The following NEDD4L variants were observed in gnomAD, a reference collection of about 807,000 sequenced individuals.
The protein encoded by NEDD4L is NEDD4 like E3 ubiquitin protein ligase.
A neutral mutation model predicts 148.9 loss-of-function variants in NEDD4L; 54 were observed. The ratio of observed to expected loss-of-function variants is 0.36; its 90% CI spans 0.29 to 0.45. The LOEUF (loss-of-function observed/expected upper bound fraction) is 0.45, where lower values mean the gene tolerates loss of function less well. Among genes scored for constraint, NEDD4L ranks in the 20% least tolerant of loss-of-function variants. The probability of loss-of-function intolerance (pLI) is 1.00; values close to 1 mark genes in which losing one functional copy is unlikely to be tolerated. For missense variants in NEDD4L, 856 were observed against 1,233.8 expected, an observed-to-expected ratio of 0.69 and a Z score of 4.59; for synonymous variants, 433 against 440.7, an observed-to-expected ratio of 0.98 and a Z score of 0.22.
intron 5 of NEDD4L, among the ~76,000 whole-genome samples, chr18:58,261,453 A>G (rs181182920): frequency 1.7e-3 from 259 of 152,260 alleles, no homozygotes; most frequent in Non-Finnish European, 3.1e-3. Flanking sequence ...AATGAGGGAG[A>G]TATTTGGGAA....
intron 6 of NEDD4L, 109 bp downstream of exon 6, chr18:58,316,141 G>GA: frequency 1.1e-6 from 1 of 885,298 alleles, no homozygotes; most frequent in Non-Finnish European, 1.8e-6. Context: ...GAAGAAGGCT[G>GA]AAATGAAGCA....
Position 58,373,257 on chromosome 18 carries a change from A to G in NEDD4L, c.2340A>G (p.Glu780=). The part of the protein sequence containing the change: ...ELDLMFCIDE[E]NFGQTYQVDL... ...ACCTCATGTTCTGCATAGACGAAGA[A>G]AACTTTGGACAGGTACATGTGGGTA... is the stretch of plus-strand genomic sequence containing the variant. Residue 780 remains glutamate (E), a synonymous_variant, in exon 24 of 31, where the codon GAA becomes GAG. Transcript: ENST00000400345. 6.3e-7 allele frequency: 1 copy of G among 1,575,542 alleles called. No homozygotes were observed. Among genetic ancestry groups the G allele is most frequent in the Non-Finnish European group, 8.6e-7 (1 of 1,156,754 alleles).
chr18:58,371,062 A>G (rs1440630763), intron 23 of NEDD4L, among the ~76,000 whole-genome samples: 1 of 151,626 alleles, frequency 6.6e-6, no homozygotes, highest in Non-Finnish European at 1.5e-5. Context: ...TTATTTTTTG[A>G]GATGATGTCT....
At chr18:58,385,620 G>A (rs1335377553) in intron 26 of NEDD4L, 34 bp downstream of exon 26, 3 of 1,574,764 alleles carry the variant, frequency 1.9e-6, no homozygotes, top group East Asian at 2.2e-5. Context: ...TCTGCCATGT[G>A]CCTCTGGTCC....
chr18:58,335,585 G>A (rs746695370), intron 13 of NEDD4L, 48 bp downstream of exon 13: 2 of 1,434,806 alleles, frequency 1.4e-6, no homozygotes, highest in East Asian at 4.5e-5. Context: ...CCGTGAGGCA[G>A]TTTTAATATT....
At chr18:58,276,509 C>T (rs1340676846) in intron 5 of NEDD4L, among the ~76,000 whole-genome samples, 1 of 151,908 alleles carries the variant, frequency 6.6e-6, no homozygotes, top group Non-Finnish European at 1.5e-5. Context: ...GTGCCCAGCC[C>T]TAGTGTTCAT....
intron 1 of NEDD4L, among the ~76,000 whole-genome samples, chr18:58,119,884 T>A (rs1033654695): frequency 6.6e-6 from 1 of 152,166 alleles, no homozygotes; most frequent in Non-Finnish European, 1.5e-5. Context: ...CCCGGGTGGT[T>A]CTCATAGCAG....
intron 24 of NEDD4L, among the ~76,000 whole-genome samples, chr18:58,374,073 A>G (rs1255399553): frequency 6.6e-6 from 1 of 152,188 alleles, no homozygotes; most frequent in African/African-American, 2.4e-5. Flanking sequence ...TAGACCATAG[A>G]ACTCATTGTA....
chr18:58,182,700 T>TCAAA (rs777801108), intron 2 of NEDD4L, among the ~76,000 whole-genome samples: 1 of 152,060 alleles, frequency 6.6e-6, no homozygotes, highest in Non-Finnish European at 1.5e-5. Context: ...CAGAGTGGTC[T>TCAAA]CAAACTCCTG....
chr18:58,375,363 T>C (rs2047429795), intron 24 of NEDD4L, among the ~76,000 whole-genome samples: 1 of 152,164 alleles, frequency 6.6e-6, no homozygotes, highest in Non-Finnish European at 1.5e-5. Context: ...CCCGCCTAGC[T>C]GTGAGCCCCT....
In NEDD4L at chr18:58,391,578, T is replaced by C; in HGVS notation, c.2825+19T>C. ...ACACATGGTGAGTGACAAAAACACA[T>C]GCATGTCAATGCAATATCTGAACTG... On this transcript the variant is annotated intron_variant, in intron 30 of 30. Transcript: ENST00000400345. 1.3e-6 allele frequency: 2 copies of C among 1,523,730 alleles called. No individual in the cohort carries two copies. Among genetic ancestry groups the C allele is most frequent in the Non-Finnish European group, 8.9e-7 (1 of 1,118,726 alleles). 94.4% of individuals were successfully genotyped at this position (1,523,730 alleles called of 1,614,324 possible).
intron 2 of NEDD4L, among the ~76,000 whole-genome samples, chr18:58,185,612 G>A (rs1269140875): frequency 6.6e-6 from 1 of 152,180 alleles, no homozygotes; most frequent in East Asian, 1.9e-4. Flanking sequence ...TGTGGCTCAC[G>A]CCTGTAATCC....
chr18:58,220,801 A>G (rs1027281807), intron 2 of NEDD4L, among the ~76,000 whole-genome samples: 3 of 152,154 alleles, frequency 2.0e-5, no homozygotes, highest in African/African-American at 4.8e-5. Flanking sequence ...CATAGTGCCC[A>G]TCGCAGGCAG....
At chr18:58,305,632 G>C (rs1052893121) in intron 5 of NEDD4L, among the ~76,000 whole-genome samples, 1 of 152,190 alleles carries the variant, frequency 6.6e-6, no homozygotes, top group African/African-American at 2.4e-5. Flanking sequence ...CTGCCTAAAC[G>C]AGCACCTGCT....
chr18:58,196,689 A>G (rs1025032626), intron 2 of NEDD4L, among the ~76,000 whole-genome samples: 1 of 120,748 alleles, frequency 8.3e-6, no homozygotes, highest in East Asian at 2.4e-4. Context: ...TTGGGGCTCT[A>G]CTTTTCTGTT....
chr18:58,337,227 G>C (rs987752440), intron 13 of NEDD4L, among the ~76,000 whole-genome samples: 3 of 152,134 alleles, frequency 2.0e-5, no homozygotes, highest in Non-Finnish European at 4.4e-5. Flanking sequence ...CTTTCCACAG[G>C]CTTGGCAATA....
intron 2 of NEDD4L, among the ~76,000 whole-genome samples, chr18:58,235,776 C>T (rs1369895874): frequency 6.6e-6 from 1 of 152,034 alleles, no homozygotes; most frequent in Non-Finnish European, 1.5e-5. Context: ...ATCTGTGTCT[C>T]TGTGGGTGTT....
chr18:58,071,741 G>A (rs557476911), intron 1 of NEDD4L, among the ~76,000 whole-genome samples: 1 of 152,340 alleles, frequency 6.6e-6, no homozygotes, highest in South Asian at 2.1e-4. Context: ...ACATGGCTGG[G>A]GAGGCCTCAC....
chr18:58,240,033 C>G (rs1305265700), intron 2 of NEDD4L, among the ~76,000 whole-genome samples: 1 of 152,138 alleles, frequency 6.6e-6, no homozygotes, highest in Non-Finnish European at 1.5e-5. Context: ...AGAGCAGGTG[C>G]CTGAGGATTT....
Sources: allele counts gnomAD v4.1 joint callset (sites outside exome capture counted in the v4.1 genomes callset), GRCh38; gene constraint gnomAD v4.1.1; transcripts MANE v1.5; gene names NCBI Gene and HGNC (gene_info 2026-07-23, HGNC 2026-07-21).